ATAD1: variants seen among roughly 807,000 people sequenced by gnomAD.
ATAD1 encodes ATPase family AAA domain containing 1.
ATAD1 carries 18 observed loss-of-function variants against 42.7 expected under a neutral mutation model. That is an observed-to-expected ratio of 0.42 (90% CI 0.29 to 0.63). The LOEUF (loss-of-function observed/expected upper bound fraction) is 0.63. ATAD1 is among the 20% of genes least tolerant of loss of function. ATAD1 has a pLI of 0.19. For synonymous variants in ATAD1, 132 were observed against 143.1 expected, an observed-to-expected ratio of 0.92 and a Z score of 0.55; for missense variants, 294 against 440.4, an observed-to-expected ratio of 0.67 and a Z score of 2.98.
At chr10:87,776,802 G>A (rs2131843190) in intron 5 of ATAD1, among the ~76,000 whole-genome samples, 1 of 152,096 alleles carries the variant, frequency 6.6e-6, no homozygotes, top group Non-Finnish European at 1.5e-5. Flanking sequence ...AATTTCAAAT[G>A]TTCCTAACAT....
At chr10:87,783,286 A>G (rs1855657673) in intron 5 of ATAD1, among the ~76,000 whole-genome samples, 3 of 151,830 alleles carry the variant, frequency 2.0e-5, no homozygotes. Flanking sequence ...TGGAAGGTTC[A>G]CTTGAGCCTG....
intron 2 of ATAD1, among the ~76,000 whole-genome samples, chr10:87,797,679 G>C (rs773481176): frequency 5.9e-5 from 9 of 152,156 alleles, no homozygotes; most frequent in Admixed American, 1.3e-4. Flanking sequence ...ATTTGACCTT[G>C]GTGTGTGTAA....
At chr10:87,820,861 T>G (rs1389779397), upstream of ATAD1, among the ~76,000 whole-genome samples, 1 of 152,168 alleles carries the variant, frequency 6.6e-6, no homozygotes, top group African/African-American at 2.4e-5. Context: ...AGAGTGAACA[T>G]ATGCTTTTCA....
In ATAD1 at chr10:87,790,447, T is replaced by A; in HGVS notation, c.262-17A>T. 4.4e-6 allele frequency: 7 copies of A among 1,586,582 alleles called. No homozygotes were observed. In the South Asian group the frequency reaches 8.2e-5, roughly 19 times the overall value. On this transcript the variant is annotated splice_polypyrimidine_tract_variant and intron_variant, in intron 3 of 9. Coordinates refer to ENST00000680024, the MANE Select transcript of ATAD1 (RefSeq NM_001321967.2). ...CCAAGTAACCTGGCAAAAGTTAAGG[T>A]CAACATGAATTTTACTACAAATGTA...
At chr10:87,811,126 A>G (rs1314035652) in intron 2 of ATAD1, among the ~76,000 whole-genome samples, 1 of 152,150 alleles carries the variant, frequency 6.6e-6, no homozygotes, top group Non-Finnish European at 1.5e-5. Context: ...TGAGGTCAGG[A>G]GTTCAAGACC....
chr10:87,785,139 A>G (rs1266243275), intron 4 of ATAD1, among the ~76,000 whole-genome samples: 1 of 152,192 alleles, frequency 6.6e-6, no homozygotes, highest in Admixed American at 6.5e-5. Flanking sequence ...TTTCCAAACA[A>G]TCTTTTCCTA....
chr10:87,767,640 A>G (rs1386764446), intron 8 of ATAD1, 33 bp downstream of exon 8: 4 of 1,560,372 alleles, frequency 2.6e-6, no homozygotes, highest in Non-Finnish European at 3.5e-6. Context: ...TCAGATTTAT[A>G]GGACGGGGAA....
rs1329414549 is a variant in ATAD1 at position 87,754,469 on chromosome 10, C to T, written c.*218G>A. 3.4e-5 allele frequency: 13 copies of T among 381,124 alleles called. No homozygotes were observed. The East Asian group carries it at 3.7e-4, about 11-fold the overall frequency. 23.6% of individuals were successfully genotyped at this position (381,124 alleles called of 1,614,324 possible). ...TGAAAAGGTCAAACACAAGCACCCA[C>T]GTTCAGGCTGGATTCAACTGTTCCT... On this transcript the variant is annotated 3_prime_UTR_variant, in exon 10 of 10. Transcript: ENST00000680024.
chr10:87,798,625 G>GGTGGGTGTGTGTGTGTGTGTGTGTGT (rs1554881742), intron 2 of ATAD1, among the ~76,000 whole-genome samples: 3 of 124,938 alleles, frequency 2.4e-5, no homozygotes, highest in African/African-American at 9.1e-5. Context: ...AGCTATAGGG[G>GGTGGGTGTGTGTGTGTGTGTGTGTGT]GTGTGTGTGT....
At chr10:87,833,316 G>T (rs778296392) in intron 1 of ATAD1, among the ~76,000 whole-genome samples, 3 of 152,244 alleles carry the variant, frequency 2.0e-5, no homozygotes, top group African/African-American at 4.8e-5. Context: ...TTTTGAATGT[G>T]TGTTTACCTT....
chr10:87,770,842 C>T lies in ATAD1; in HGVS notation c.780+110G>A, dbSNP rs951178065. On this transcript the variant is annotated intron_variant, in intron 7 of 9. Transcript: ENST00000680024. ...TCAGGGTTTCTGCCCCATTCCTTCC[C>T]TGTCATAAGCACCCCTATATGACAA... 4 of 829,654 alleles carry T rather than the reference C, an allele frequency of 4.8e-6. No individual in the cohort carries two copies. In the African/African-American group the frequency reaches 5.2e-5, roughly 11 times the overall value. The allele number at this position is 829,654 out of a possible 1,614,324, so 51.4% of individuals were successfully genotyped here.
intron 4 of ATAD1, among the ~76,000 whole-genome samples, chr10:87,789,115 A>G (rs1208360152): frequency 3.9e-5 from 6 of 152,196 alleles, no homozygotes; most frequent in Admixed American, 3.9e-4. Flanking sequence ...AAATTAATGC[A>G]CTTTATTGAT....
intron 2 of ATAD1, among the ~76,000 whole-genome samples, chr10:87,801,538 CTT>C (rs1856695361): frequency 1.6e-5 from 1 of 62,324 alleles, no homozygotes; most frequent in Non-Finnish European, 3.0e-5. Flanking sequence ...TCTGATATGA[CTT>C]AATGTTATTA....
At chr10:87,770,828 G>T in intron 7 of ATAD1, 124 bp downstream of exon 7, 1 of 685,082 alleles carries the variant, frequency 1.5e-6, no homozygotes, top group Non-Finnish European at 2.4e-6. Context: ...CAGGGTTTCT[G>T]CCCCATTCCT....
Position 87,826,215 on chromosome 10 carries a change from A to G in ATAD1, c.-13-11603T>C, listed in dbSNP as rs990334876. 6.0e-4 allele frequency among the ~76,000 whole-genome samples: 91 copies of G among 152,378 alleles called. 1 individual carries two copies. Among genetic ancestry groups the G allele is most frequent in the Non-Finnish European group, 1.5e-4 (10 of 68,032 alleles). ...AAGCAAAGCCTATAACTTGTTTTAT[A>G]GAAGCACAGGAAACTAAGTATACTA... On this transcript the variant is annotated intron_variant, in intron 1 of 4. Coordinates refer to the ATAD1 transcript ENST00000495903.
At chr10:87,770,817 T>A (rs973783321) in intron 7 of ATAD1, 135 bp downstream of exon 7, 1 of 611,332 alleles carries the variant, frequency 1.6e-6, no homozygotes, top group East Asian at 2.9e-5. Flanking sequence ...GAAGCTACTG[T>A]CAGGGTTTCT....
chr10:87,803,467 CG>C (rs1308999724), intron 2 of ATAD1, among the ~76,000 whole-genome samples: 1 of 152,226 alleles, frequency 6.6e-6, no homozygotes, highest in African/African-American at 2.4e-5. Context: ...GAGATAAACG[CG>C]TATCTGCTTG....
intron 6 of ATAD1, among the ~76,000 whole-genome samples, chr10:87,774,665 A>C (rs538413285): frequency 6.6e-6 from 1 of 152,266 alleles, no homozygotes; most frequent in African/African-American, 2.4e-5. Context: ...AAGACATGAA[A>C]TAGGCCAGGC....
At chr10:87,772,309 C>T (rs1227448125) in intron 6 of ATAD1, among the ~76,000 whole-genome samples, 1 of 151,836 alleles carries the variant, frequency 6.6e-6, no homozygotes, top group Non-Finnish European at 1.5e-5. Context: ...GACAAGGTCT[C>T]ACTATGTTGC....
Sources: allele counts gnomAD v4.1 joint callset (sites outside exome capture counted in the v4.1 genomes callset), GRCh38; gene constraint gnomAD v4.1.1; transcripts MANE v1.5; gene names NCBI Gene and HGNC (gene_info 2026-07-23, HGNC 2026-07-21).